ZNF728: variants seen among roughly 807,000 people sequenced by gnomAD.
The protein encoded by ZNF728 is zinc finger protein 728.
Under a neutral mutation model 12.5 loss-of-function variants are expected in ZNF728, and 12 were observed. The ratio of observed to expected loss-of-function variants is 0.96; its 90% CI spans 0.61 to 1.55. ZNF728 has a LOEUF of 1.55. Ranked by LOEUF, ZNF728 falls within the 40% of genes most tolerant of loss-of-function variation. The pLI is 0.00. For synonymous variants in ZNF728, 205 were observed against 240.7 expected (o/e 0.85, Z 1.37); for missense variants, 692 against 719.2 (o/e 0.96, Z 0.43).
rs759015235 is a variant in ZNF728 at position 22,975,929 on chromosome 19, G to A, written c.1408C>T (p.His470Tyr). 11 of 1,606,380 alleles carry A rather than the reference G, an allele frequency of 6.8e-6. No homozygotes were observed. The highest frequency in any genetic ancestry group is 6.7e-5 in the African/African-American group (5 of 74,732). Residue 470 changes from histidine (H) to tyrosine (Y), a missense_variant, in exon 4 of 4, where the codon CAT becomes TAT. Physicochemically the swap from His to Tyr is moderately conservative, Grantham distance 83 (BLOSUM62 2). Coordinates refer to ENST00000594710, the MANE Select transcript of ZNF728 (RefSeq NM_001267716.2). ...TTCTCTCCAGCATGAATTGCCTTAT[G>A]TGTAGTAAGGCTTGAGGACCAGCTG... ...VFSWSSSLTT[H>Y]KAIHAGEKLY...
At chr19:22,987,915 CA>C (rs772917766) in intron 2 of ZNF728, among the ~76,000 whole-genome samples, 64 of 152,284 alleles carry the variant, frequency 4.2e-4, no homozygotes, top group Non-Finnish European at 6.8e-4. Context: ...GATCAAACAG[CA>C]AACTGTTTAT....
In ZNF728 at chr19:22,981,831, C is replaced by G. The variant is rs1209000218; in HGVS notation, c.227-4721G>C. Among the ~76,000 whole-genome samples the G allele has an allele frequency of 3.3e-5, 5 of 152,200 alleles. No homozygotes were observed. In the East Asian group the frequency reaches 9.6e-4, roughly 29 times the overall value. On this transcript the variant is annotated intron_variant, in intron 3 of 3. Coordinates refer to ENST00000594710, the MANE Select transcript of ZNF728 (RefSeq NM_001267716.2). ...AAGGCCTTCGACAAAATTCAATACC[C>G]CTTCATGCTAAAAACTCTCAATAAA... is the stretch of plus-strand genomic sequence containing the variant.
intron 3 of ZNF728, 113 bp downstream of exon 3, chr19:22,987,195 G>C: frequency 1.1e-6 from 1 of 951,264 alleles, no homozygotes; most frequent in Non-Finnish European, 1.5e-6. Context: ...TAAAAATTAG[G>C]CTTTCCAGAA....
rs1324123108 is a variant in ZNF728, at chr19:22,975,490, C to G, written c.1847G>C (p.Gly616Ala). Residue 616 changes from glycine (G) to alanine (A), a missense_variant, in exon 4 of 4, where the codon GGA (glycine) becomes GCA (alanine). Transcript: ENST00000594710. ...HLTTHKRIHT[G>A]GKTLQM is the part of the protein sequence containing the mutation. ...TTTTCACATTTGTAGGGTTTTTCCT[C>G]CAGTATGAATTCTCTTATGAGTAGT... The G allele has an allele frequency of 6.5e-7, 1 of 1,548,690 alleles. No homozygotes were observed. Among genetic ancestry groups the G allele is most frequent in the East Asian group, 2.3e-5 (1 of 43,126 alleles).
chr19:22,984,308 C>T (rs1305917971), intron 3 of ZNF728, among the ~76,000 whole-genome samples: 1 of 151,710 alleles, frequency 6.6e-6, no homozygotes, highest in Non-Finnish European at 1.5e-5. Context: ...CCTGTAATCC[C>T]AGCACTTTGG....
At chr19:22,998,606 T>G (rs1216875014) in intron 1 of ZNF728, among the ~76,000 whole-genome samples, 1 of 152,132 alleles carries the variant, frequency 6.6e-6, no homozygotes, top group Non-Finnish European at 1.5e-5. Flanking sequence ...TTTCTGAAAT[T>G]CAATAATCTG....
At chr19:22,984,324 C>T (rs1410192840) in intron 3 of ZNF728, among the ~76,000 whole-genome samples, 1 of 151,622 alleles carries the variant, frequency 6.6e-6, no homozygotes, top group Non-Finnish European at 1.5e-5. Flanking sequence ...TTTGGGAGGC[C>T]GAGGTGGGTG....
Position 23,001,531 on chromosome 19 carries a change from T to A in ZNF728, c.3+1497A>T, listed in dbSNP as rs181546579. 8.3e-3 allele frequency among the ~76,000 whole-genome samples: 1,256 copies of A among 152,182 alleles called. 17 individuals are homozygous for A. The highest frequency in any genetic ancestry group is 0.029 in the African/African-American group (1,204 of 41,530). On this transcript the variant is annotated intron_variant, in intron 1 of 3. Coordinates refer to ENST00000594710, the MANE Select transcript of ZNF728 (RefSeq NM_001267716.2). The stretch of plus-strand genomic sequence containing the variant: ...CTCTCACAGACATAGCCATGGCGGG[T>A]ATCTTGGTTTTTCCCCAGACAGTAC...
rs537374068 is a variant in ZNF728 at position 22,989,952 on chromosome 19, T to C, written c.4-1501A>G. Among the ~76,000 whole-genome samples the C allele has an allele frequency of 9.2e-5, 14 of 151,842 alleles. No individual in the cohort carries two copies. The South Asian group carries it at 1.3e-3, about 14-fold the overall frequency. On this transcript the variant is annotated intron_variant, in intron 1 of 3. Transcript: ENST00000594710. ...CCCCAGGTTTTCCCCAATAGGAATT[T>C]TGAGTATCTACACCTTCCCATGTTC...
intron 1 of ZNF728, among the ~76,000 whole-genome samples, chr19:23,001,891 A>G (rs1416634633): frequency 6.6e-6 from 1 of 152,170 alleles, no homozygotes; most frequent in African/African-American, 2.4e-5. Flanking sequence ...GGGATGGGGG[A>G]TGGACTTGAG....
intron 3 of ZNF728, among the ~76,000 whole-genome samples, chr19:22,981,346 T>C (rs1968859768): frequency 6.6e-6 from 1 of 152,244 alleles, no homozygotes; most frequent in Non-Finnish European, 1.5e-5. Flanking sequence ...GTCAGATCCC[T>C]GAATAGGCCA....
In ZNF728 at chr19:22,975,323, A is replaced by G; in HGVS notation, c.*145T>C. 1.3e-6 allele frequency: 1 copy of G among 769,726 alleles called. No homozygotes were observed. Among genetic ancestry groups the G allele is most frequent in the South Asian group, 1.8e-5 (1 of 54,950 alleles). The allele number at this position is 769,726 out of a possible 1,614,324, so 47.7% of individuals were successfully genotyped here. On this transcript the variant is annotated 3_prime_UTR_variant, in exon 4 of 4. Transcript: ENST00000594710. ...CCACACAATTGTAGGAATTCCCTCC[A>G]GTATGAATTACCTTATGTTTAGTAA...
intron 3 of ZNF728, among the ~76,000 whole-genome samples, chr19:22,987,075 G>A (rs1011954242): frequency 6.6e-6 from 1 of 152,126 alleles, no homozygotes; most frequent in African/African-American, 2.4e-5. Flanking sequence ...TACTTTGGCT[G>A]TCACTGTAAA....
At chr19:23,003,003 G>C (rs1387565345) in intron 1 of ZNF728, 25 bp downstream of exon 1, 16 of 1,586,332 alleles carry the variant, frequency 1.0e-5, no homozygotes, top group Non-Finnish European at 1.4e-5. Context: ...CCACTCTCTC[G>C]GGATGTCGGA....
intron 1 of ZNF728, among the ~76,000 whole-genome samples, chr19:22,990,923 T>C (rs1373208922): frequency 6.6e-6 from 1 of 152,194 alleles, no homozygotes; most frequent in Non-Finnish European, 1.5e-5. Flanking sequence ...CCCCACTCTA[T>C]GAAATGTAAT....
At chr19:22,998,453 G>A (rs559177503) in intron 1 of ZNF728, among the ~76,000 whole-genome samples, 1 of 152,134 alleles carries the variant, frequency 6.6e-6, no homozygotes, top group Non-Finnish European at 1.5e-5. Flanking sequence ...GACTGCTTGA[G>A]CCTGAGAGGT....
At chr19:22,986,087 C>A (rs1042173400) in intron 3 of ZNF728, among the ~76,000 whole-genome samples, 22 of 152,146 alleles carry the variant, frequency 1.4e-4, no homozygotes, top group Non-Finnish European at 2.9e-5. Context: ...AGCTACAACC[C>A]CACTCTACTA....
intron 2 of ZNF728, among the ~76,000 whole-genome samples, chr19:22,988,077 C>A (rs1480959496): frequency 6.6e-6 from 1 of 152,144 alleles, no homozygotes; most frequent in Non-Finnish European, 1.5e-5. Flanking sequence ...CAGGGTTGTA[C>A]TAAGTCAAGC....
chr19:23,001,606 C>T (rs1019566949), intron 1 of ZNF728, among the ~76,000 whole-genome samples: 5 of 152,162 alleles, frequency 3.3e-5, no homozygotes, highest in African/African-American at 1.2e-4. Flanking sequence ...GACACATCTC[C>T]CTATAAAGTT....
Sources: allele counts gnomAD v4.1 joint callset (sites outside exome capture counted in the v4.1 genomes callset), GRCh38; gene constraint gnomAD v4.1.1; transcripts MANE v1.5; gene names NCBI Gene and HGNC (gene_info 2026-07-23, HGNC 2026-07-21).